Variants in GSG1L observed in about 807,000 individuals in gnomAD.
GSG1L encodes GSG1 like.
Under a neutral mutation model 42.1 loss-of-function variants are expected in GSG1L, and 24 were observed. That is an observed-to-expected ratio of 0.57 (90% confidence interval 0.41 to 0.80). The LOEUF is 0.80. Among genes scored for constraint, GSG1L ranks in the 30% least tolerant of loss-of-function variants. GSG1L has a pLI of 0.00. For synonymous variants in GSG1L, 215 were observed against 203.5 expected (o/e 1.06, Z -0.48); for missense variants, 445 against 472.2 (o/e 0.94, Z 0.53).
chr16:27,981,496 T>C (rs917236451), intron 1 of GSG1L, among the ~76,000 whole-genome samples: 3 of 152,204 alleles, frequency 2.0e-5, no homozygotes, highest in Non-Finnish European at 2.9e-5. Context: ...GGCAGAGCCT[T>C]GGCAAGCACT....
At chr16:27,933,628 G>A (rs1168759393) in intron 2 of GSG1L, among the ~76,000 whole-genome samples, 7 of 117,638 alleles carry the variant, frequency 6.0e-5, no homozygotes, top group Non-Finnish European at 3.3e-5. Context: ...CAGCCTGGGT[G>A]ACAGAGCAAG....
Position 28,047,201 on chromosome 16 carries a change from A to G in GSG1L, c.349+15875T>C, listed in dbSNP as rs1295086841. On this transcript the variant is annotated intron_variant, in intron 1 of 6. Coordinates refer to ENST00000447459, the MANE Select transcript of GSG1L (RefSeq NM_001109763.2). ...TTAAGTTGCAACGATTATGACACGT[A>G]TGAATAAAAAACAGAATTCAAGAGC... Among the ~76,000 whole-genome samples the G allele has an allele frequency of 2.0e-5, 3 of 152,248 alleles. No homozygotes were observed. The East Asian group carries it at 5.8e-4, about 29-fold the overall frequency.
chr16:27,804,019 T>A (rs2082923244), intron 6 of GSG1L, among the ~76,000 whole-genome samples: 2 of 122,988 alleles, frequency 1.6e-5, no homozygotes, highest in South Asian at 5.0e-4. Context: ...GGATGATGGA[T>A]GAATAGATAG....
intron 4 of GSG1L, among the ~76,000 whole-genome samples, chr16:27,830,468 G>T (rs918360756): frequency 6.6e-6 from 1 of 150,390 alleles, no homozygotes; most frequent in African/African-American, 2.5e-5. Context: ...TGAGGACTCT[G>T]CCTTTCTCAA....
intron 4 of GSG1L, among the ~76,000 whole-genome samples, chr16:27,844,484 C>T (rs2083420764): frequency 6.6e-6 from 1 of 152,128 alleles, no homozygotes; most frequent in Non-Finnish European, 1.5e-5. Flanking sequence ...GGCAGGGGGT[C>T]AGAGAGTATT....
At chr16:28,018,640 A>C (rs2085806019) in intron 1 of GSG1L, among the ~76,000 whole-genome samples, 1 of 152,076 alleles carries the variant, frequency 6.6e-6, no homozygotes, top group Non-Finnish European at 1.5e-5. Flanking sequence ...AATAACAAGA[A>C]AGAAGAGGGA....
chr16:27,945,076 C>CCAAA (rs2084847049), intron 2 of GSG1L, among the ~76,000 whole-genome samples: 1 of 87,328 alleles, frequency 1.1e-5, no homozygotes, highest in Non-Finnish European at 2.2e-5. Flanking sequence ...GACCCTGTCT[C>CCAAA]AAAAAAAAAA....
In GSG1L at chr16:27,979,625, G is replaced by A. The variant is rs141105926; in HGVS notation, c.350-16422C>T. Among the ~76,000 whole-genome samples the A allele has an allele frequency of 1.5e-4, 17 of 116,712 alleles. No individual in the cohort carries two copies. In the East Asian group the frequency reaches 3.5e-3, roughly 24 times the overall value. 76.6% of individuals were successfully genotyped at this position (116,712 alleles called of 152,430 possible). On this transcript the variant is annotated intron_variant, in intron 1 of 6. Transcript: ENST00000447459. Reference sequence around the variant, plus strand: ...AGAAAGAAAGGAAGGAAGAAAGGGAGATGGGCAGGAGGGAGGGGAAAGAAA... The same window carrying A: ...AGAAAGAAAGGAAGGAAGAAAGGGAAATGGGCAGGAGGGAGGGGAAAGAAA...
In GSG1L at chr16:27,843,664, A is replaced by T. The variant is rs2083412656; in HGVS notation, c.662+1286T>A. Among the ~76,000 whole-genome samples, 2 of 152,194 alleles carry T rather than the reference A, an allele frequency of 1.3e-5. 1 individual carries two copies. The highest frequency in any genetic ancestry group is 4.1e-4 in the South Asian group (2 of 4,832). ...GCATGAGGGCATGACTGGGTTCCAG[A>T]TGAAATCTGGTCACCTGGATCCAGC... On this transcript the variant is annotated intron_variant, in intron 4 of 6. Coordinates refer to ENST00000447459, the MANE Select transcript of GSG1L (RefSeq NM_001109763.2).
At chr16:27,872,530 A>C (rs2083834738) in intron 3 of GSG1L, among the ~76,000 whole-genome samples, 2 of 152,174 alleles carry the variant, frequency 1.3e-5, no homozygotes, top group Non-Finnish European at 2.9e-5. Flanking sequence ...AATGAGGCTG[A>C]GACCTACTGG....
intron 3 of GSG1L, among the ~76,000 whole-genome samples, chr16:27,850,778 CATCT>C (rs1462632629): frequency 6.6e-6 from 1 of 151,150 alleles, no homozygotes. Context: ...ACATGTAATA[CATCT>C]ATCTATCTAT....
chr16:27,848,847 C>T (rs1405532800), intron 3 of GSG1L, among the ~76,000 whole-genome samples: 1 of 151,886 alleles, frequency 6.6e-6, no homozygotes, highest in Admixed American at 6.6e-5. Flanking sequence ...TAGAGAGAAG[C>T]CTGGGCAAAG....
At chr16:28,010,224 A>G (rs1468840163) in intron 1 of GSG1L, among the ~76,000 whole-genome samples, 1 of 152,180 alleles carries the variant, frequency 6.6e-6, no homozygotes, top group Non-Finnish European at 1.5e-5. Flanking sequence ...CAAAATCCTC[A>G]GACGCTCTTT....
At chr16:28,000,814 C>A (rs532337700) in intron 1 of GSG1L, among the ~76,000 whole-genome samples, 1 of 152,272 alleles carries the variant, frequency 6.6e-6, no homozygotes, top group African/African-American at 2.4e-5. Context: ...ACAGTGTTAG[C>A]CCTTTGACCT....
At chr16:27,882,500 A>T (rs1258759183) in intron 3 of GSG1L, among the ~76,000 whole-genome samples, 3 of 152,044 alleles carry the variant, frequency 2.0e-5, no homozygotes, top group African/African-American at 7.2e-5. Flanking sequence ...TTCATCTCTC[A>T]ACATTCCTCC....
At chr16:27,794,392 G>T (rs911877946) in intron 6 of GSG1L, among the ~76,000 whole-genome samples, 3 of 151,224 alleles carry the variant, frequency 2.0e-5, no homozygotes, top group Admixed American at 2.0e-4. Context: ...GTGCAGTGGC[G>T]CGATCTCGGC....
At chr16:27,987,146 G>A (rs899341584) in intron 1 of GSG1L, among the ~76,000 whole-genome samples, 1 of 151,862 alleles carries the variant, frequency 6.6e-6, no homozygotes, top group African/African-American at 2.4e-5. Flanking sequence ...GAACCCGGGA[G>A]GCAGAGGTTG....
intron 2 of GSG1L, among the ~76,000 whole-genome samples, chr16:27,899,507 A>G (rs2084232056): frequency 6.6e-6 from 1 of 152,178 alleles, no homozygotes; most frequent in Non-Finnish European, 1.5e-5. Context: ...GCCTGAGCCC[A>G]GGAGTTCAAG....
chr16:27,951,862 A>G (rs2084953779), intron 2 of GSG1L, among the ~76,000 whole-genome samples: 3 of 152,330 alleles, frequency 2.0e-5, no homozygotes, highest in Non-Finnish European at 4.4e-5. Context: ...AACGAACAAG[A>G]GACTATTATA....
Sources: gnomAD v4.1 joint callset for allele counts (sites outside exome capture counted in the v4.1 genomes callset) on GRCh38, gnomAD v4.1.1 for gene constraint, MANE v1.5 for transcripts, NCBI Gene and HGNC (gene_info 2026-07-23, HGNC 2026-07-21) for gene names.